HAPLN1: variants seen among roughly 807,000 people sequenced by gnomAD.
HAPLN1 encodes Cartilage link protein.
HAPLN1 carries 13 observed loss-of-function variants against 36.5 expected under a neutral mutation model. That is an observed-to-expected ratio of 0.36 (90% CI 0.23 to 0.57). The LOEUF is 0.57. Among genes scored for constraint, HAPLN1 ranks in the 20% least tolerant of loss-of-function variants. The pLI is 0.83. For missense variants in HAPLN1, 407 were observed against 439.7 expected (o/e 0.93, Z 0.66); for synonymous variants, 202 against 169.8 (o/e 1.19, Z -1.48).
At chr5:83,695,594 A>T (rs1426186199) in intron 1 of HAPLN1, among the ~76,000 whole-genome samples, 3 of 147,302 alleles carry the variant, frequency 2.0e-5, no homozygotes, top group Non-Finnish European at 3.0e-5. Flanking sequence ...AGATAAATAT[A>T]TATCTATATA....
intron 1 of HAPLN1, among the ~76,000 whole-genome samples, chr5:83,676,305 G>A (rs775334215): frequency 2.6e-4 from 40 of 152,214 alleles, no homozygotes; most frequent in Non-Finnish European, 4.7e-4. Context: ...TTGGACATCT[G>A]CAGTAACTTG....
intron 2 of HAPLN1, among the ~76,000 whole-genome samples, chr5:83,663,593 T>C (rs1173148874): frequency 6.6e-6 from 1 of 152,176 alleles, no homozygotes; most frequent in Non-Finnish European, 1.5e-5. Flanking sequence ...CCCATCTTCC[T>C]GTTGGTCCTA....
chr5:83,699,616 G>C (rs992287846), intron 1 of HAPLN1, among the ~76,000 whole-genome samples: 1 of 152,076 alleles, frequency 6.6e-6, no homozygotes. Flanking sequence ...TGATAAAAAA[G>C]GTTTTACCAC....
Position 83,652,758 on chromosome 5 carries a change from T to A in HAPLN1, c.167A>T (p.Asn56Ile). 1 of 1,613,842 alleles carries A rather than the reference T, an allele frequency of 6.2e-7. No homozygotes were observed. Among genetic ancestry groups the A allele is most frequent in the East Asian group, 2.2e-5 (1 of 44,874 alleles). ...QAKVFSHRGG[N>I]VTLPCKFYRD... ...ATAAAATTTACATGGCAGTGTAACA[T>A]TGCCACCTCTGTGTGAAAACACCTT... The change falls in exon 3 of 5, where the codon AAT becomes ATT. Residue 56 changes from asparagine to isoleucine, a missense_variant. Transcript: ENST00000274341.
At chr5:83,644,217 T>A in intron 4 of HAPLN1, 146 bp downstream of exon 4, 1 of 620,350 alleles carries the variant, frequency 1.6e-6, no homozygotes, top group Non-Finnish European at 2.4e-6. Flanking sequence ...ACTCAAGAAC[T>A]TTTTATATCT....
At chr5:83,712,486 T>C (rs897793072) in intron 1 of HAPLN1, among the ~76,000 whole-genome samples, 1 of 152,138 alleles carries the variant, frequency 6.6e-6, no homozygotes, top group Non-Finnish European at 1.5e-5. Flanking sequence ...ATAGTGTATA[T>C]AATGTCATAG....
At chr5:83,648,158 AT>A (rs35133258) in intron 3 of HAPLN1, among the ~76,000 whole-genome samples, 1 of 151,686 alleles carries the variant, frequency 6.6e-6, no homozygotes, top group African/African-American at 2.4e-5. Context: ...GTTGCCTGCT[AT>A]TTCTAGGTAG....
chr5:83,645,313 G>A (rs1338560749), intron 3 of HAPLN1, among the ~76,000 whole-genome samples: 2 of 151,918 alleles, frequency 1.3e-5, no homozygotes, highest in Admixed American at 1.3e-4. Context: ...CCTTCACTTA[G>A]GGGGGACTCT....
intron 2 of HAPLN1, 129 bp from the exon 3 acceptor site, chr5:83,652,953 G>A (rs1042590298): frequency 1.8e-5 from 16 of 900,384 alleles, no homozygotes; most frequent in Admixed American, 1.5e-4. Context: ...GCTTCTCTAC[G>A]TAATCTCTTT....
At chr5:83,662,897 G>A (rs1350122149) in intron 2 of HAPLN1, among the ~76,000 whole-genome samples, 3 of 152,216 alleles carry the variant, frequency 2.0e-5, no homozygotes, top group East Asian at 3.8e-4. Flanking sequence ...AGAAGACGTC[G>A]AAATAATCCC....
intron 2 of HAPLN1, among the ~76,000 whole-genome samples, chr5:83,672,979 G>A (rs1406031676): frequency 6.6e-6 from 1 of 151,926 alleles, no homozygotes; most frequent in Non-Finnish European, 1.5e-5. Flanking sequence ...ATTATAATAG[G>A]GTAAACTACT....
At chr5:83,708,985 C>T (rs1751714982) in intron 1 of HAPLN1, among the ~76,000 whole-genome samples, 1 of 152,162 alleles carries the variant, frequency 6.6e-6, no homozygotes, top group South Asian at 2.1e-4. Context: ...AAGCTGTTTT[C>T]CTGCCTCAGT....
rs1263521354 is a variant in HAPLN1 at position 83,644,582 on chromosome 5, C to A, written c.556G>T (p.Ala186Ser). Residue 186 changes from alanine to serine, a missense_variant, in exon 4 of 5, where the codon GCT (alanine) becomes TCT (serine). Ala to Ser is a moderately conservative substitution (Grantham distance 99). Transcript: ENST00000274341. ...AGCTGGTCGAAGGAGGCGATCACAG[C>A]ATCCTGGTCCAGACACGCCTGCTGC... Reference protein sequence around the residue: ...EAQQACLDQDAVIASFDQLYD... With the variant: ...EAQQACLDQDSVIASFDQLYD... 8.8e-6 allele frequency: 14 copies of A among 1,584,344 alleles called. No homozygotes were observed. Among genetic ancestry groups the A allele is most frequent in the Non-Finnish European group, 1.2e-5 (14 of 1,165,664 alleles).
chr5:83,656,782 C>T (rs1750230499), intron 2 of HAPLN1, among the ~76,000 whole-genome samples: 1 of 152,152 alleles, frequency 6.6e-6, no homozygotes, highest in Non-Finnish European at 1.5e-5. Context: ...ACCGCTGGGG[C>T]CTCGTTATTA....
At chr5:83,655,517 G>GGTGT (rs60890807) in intron 2 of HAPLN1, among the ~76,000 whole-genome samples, 2,216 of 147,846 alleles carry the variant, frequency 0.015, 26 homozygotes, top group Non-Finnish European at 0.017. Flanking sequence ...TTCACTTTGG[G>GGTGT]GTGTGTGTGT....
intron 2 of HAPLN1, among the ~76,000 whole-genome samples, chr5:83,669,210 G>C (rs1750633897): frequency 6.6e-6 from 1 of 152,180 alleles, no homozygotes; most frequent in Non-Finnish European, 1.5e-5. Context: ...AATATTTAAT[G>C]TGACTGGGGA....
At chr5:83,707,313 A>C (rs1235614091) in intron 1 of HAPLN1, among the ~76,000 whole-genome samples, 2 of 152,204 alleles carry the variant, frequency 1.3e-5, no homozygotes, top group African/African-American at 4.8e-5. Flanking sequence ...TGGAAGAATC[A>C]CATTACCCAC....
intron 3 of HAPLN1, among the ~76,000 whole-genome samples, chr5:83,645,838 C>T (rs1749858060): frequency 1.3e-5 from 2 of 151,624 alleles, no homozygotes. Flanking sequence ...GTATATATTG[C>T]AAACTGAAAG....
intron 1 of HAPLN1, among the ~76,000 whole-genome samples, chr5:83,689,926 GA>G (rs1179620658): frequency 5.3e-5 from 8 of 152,008 alleles, no homozygotes; most frequent in African/African-American, 1.7e-4. Context: ...AATTTTATAT[GA>G]ACAAACAAAA....
Sources: allele counts gnomAD v4.1 joint callset (sites outside exome capture counted in the v4.1 genomes callset), GRCh38; gene constraint gnomAD v4.1.1; transcripts MANE v1.5; gene names NCBI Gene and HGNC (gene_info 2026-07-23, HGNC 2026-07-21).